The following IFFO2 variants were observed in gnomAD, a reference collection of about 807,000 sequenced individuals.
IFFO2 encodes intermediate filament family orphan 2.
IFFO2 carries 19 observed loss-of-function variants against 53.5 expected under a neutral mutation model. The observed-to-expected ratio is 0.36, with a 90% CI of 0.25 to 0.52. The LOEUF is 0.52. Among genes scored for constraint, IFFO2 ranks in the 20% least tolerant of loss-of-function variants. IFFO2 has a pLI of 0.94. For missense variants in IFFO2, 570 were observed against 727.4 expected (o/e 0.78, Z 2.49); for synonymous variants, 303 against 313.6 (o/e 0.97, Z 0.36).
At chr1:18,925,161 T>C (rs1051196169) in intron 1 of IFFO2, among the ~76,000 whole-genome samples, 4 of 152,104 alleles carry the variant, frequency 2.6e-5, no homozygotes, top group African/African-American at 7.2e-5. Flanking sequence ...TACTTCCCTC[T>C]ATAAAATCCC....
chr1:18,920,462 G>A (rs1936201112), intron 2 of IFFO2, among the ~76,000 whole-genome samples: 1 of 152,238 alleles, frequency 6.6e-6, no homozygotes, highest in African/African-American at 2.4e-5. Context: ...TCATGGGGTT[G>A]CTACTCTTGC....
At chr1:18,923,251 G>A (rs1198716359) in intron 1 of IFFO2, among the ~76,000 whole-genome samples, 2 of 152,190 alleles carry the variant, frequency 1.3e-5, no homozygotes, top group East Asian at 1.9e-4. Flanking sequence ...GCACCTCCCC[G>A]ACACTCCCCA....
chr1:18,914,854 G>C (rs1431217905), intron 5 of IFFO2, among the ~76,000 whole-genome samples: 1 of 150,114 alleles, frequency 6.7e-6, no homozygotes, highest in African/African-American at 2.5e-5. Context: ...CCTCTTGGCA[G>C]GCAGCAAAAG....
rs955475653 is a variant in IFFO2, at chr1:18,912,041, C to T, written c.1146G>A (p.Thr382=). ...FDFDDDCDSL[T]WEENEDTLLL... ...GCAGCGTGTCTTCATTCTCTTCCCA[C>T]GTCAGGCTGTCACAGTCGTCGTCAA... is the stretch of plus-strand genomic sequence containing the variant. Residue 382 remains threonine, a synonymous_variant, in exon 6 of 9, where the codon ACG becomes ACA. Coordinates refer to ENST00000455833, the MANE Select transcript of IFFO2 (RefSeq NM_001136265.2). 6 of 1,551,646 alleles carry T rather than the reference C, an allele frequency of 3.9e-6. No individual in the cohort carries two copies. Among genetic ancestry groups the T allele is most frequent in the Admixed American group, 3.9e-5 (2 of 50,988 alleles).
At chr1:18,914,095 T>G (rs1449662862) in intron 5 of IFFO2, among the ~76,000 whole-genome samples, 1 of 152,192 alleles carries the variant, frequency 6.6e-6, no homozygotes, top group Non-Finnish European at 1.5e-5. Context: ...CCTCCCAAAG[T>G]GCTGGGATTA....
At chr1:18,913,977 G>A (rs530236317) in intron 5 of IFFO2, among the ~76,000 whole-genome samples, 106 of 150,160 alleles carry the variant, frequency 7.1e-4, no homozygotes, top group South Asian at 1.5e-3. Context: ...GACTACAGGC[G>A]CCCGCCACCA....
chr1:18,946,293 C>G (rs1936586287), intron 1 of IFFO2, among the ~76,000 whole-genome samples: 2 of 152,104 alleles, frequency 1.3e-5, no homozygotes, highest in South Asian at 4.2e-4. Flanking sequence ...GAAGTGAAAA[C>G]TGAGGCTCAA....
Position 18,919,333 on chromosome 1 carries a change from G to A in IFFO2, c.822+345C>T, listed in dbSNP as rs753504940. ...CGGCACCTGGCCCAACCTGCCAGACGCCCTGCTACGCCCAGACACCGAGGC... is the reference window on the plus strand; with the variant it reads ...CGGCACCTGGCCCAACCTGCCAGACACCCTGCTACGCCCAGACACCGAGGC... On this transcript the variant is annotated intron_variant, in intron 3 of 8. Transcript: ENST00000455833. The surrounding 1 kb of genome is among the most constrained non-coding windows in gnomAD (Gnocchi z 4.9). 6.6e-6 allele frequency among the ~76,000 whole-genome samples: 1 copy of A among 152,212 alleles called. No individual in the cohort carries two copies. Among genetic ancestry groups the A allele is most frequent in the Non-Finnish European group, 1.5e-5 (1 of 68,042 alleles).
Position 18,941,908 on chromosome 1 carries a change from C to T in IFFO2, c.665+13760G>A, listed in dbSNP as rs370704071. Among the ~76,000 whole-genome samples the T allele has an allele frequency of 5.3e-5, 8 of 152,210 alleles. No homozygotes were observed. In the East Asian group the frequency reaches 1.2e-3, roughly 22 times the overall value. On this transcript the variant is annotated intron_variant, in intron 1 of 8. Coordinates refer to ENST00000455833, the MANE Select transcript of IFFO2 (RefSeq NM_001136265.2). ...AGGCCCTCCTAGGAGCCACAGGCTC[C>T]AGGTGACACCCTGCACTGGACACAG...
intron 1 of IFFO2, among the ~76,000 whole-genome samples, chr1:18,954,005 T>C (rs1357459079): frequency 6.6e-6 from 1 of 152,180 alleles, no homozygotes; most frequent in Admixed American, 6.5e-5. Flanking sequence ...TGAGAGCAAG[T>C]GCCTGCTTCC....
chr1:18,924,870 G>A (rs571273872), intron 1 of IFFO2, among the ~76,000 whole-genome samples: 134 of 152,322 alleles, frequency 8.8e-4, no homozygotes, highest in African/African-American at 3.1e-3. Context: ...ACATCCCAGT[G>A]CTCTCTGCAG....
intron 1 of IFFO2, among the ~76,000 whole-genome samples, chr1:18,952,767 G>A (rs550277513): frequency 2.6e-5 from 4 of 152,340 alleles, no homozygotes; most frequent in African/African-American, 7.2e-5. Flanking sequence ...GCCCTAAAAC[G>A]GGATTGTGGT....
In IFFO2 at chr1:18,907,812, A is replaced by G. The variant is rs1404612222; in HGVS notation, c.*749T>C. 3 of 151,614 alleles carry G rather than the reference A, an allele frequency of 2.0e-5. No individual in the cohort carries two copies. The highest frequency in any genetic ancestry group is 4.4e-5 in the Non-Finnish European group (3 of 67,848). The allele number at this position is 151,614 out of a possible 1,614,324, so 9.4% of individuals were successfully genotyped here. A position where few individuals can be genotyped will look rare whatever the true frequency, so the allele number is the denominator to read the frequency against. ...AGGAGAGGTCCTGCCTTCCACAATG[A>G]TATAAGGCAAGCTGCTTTTGTTGTT... On this transcript the variant is annotated 3_prime_UTR_variant, in exon 9 of 9. Coordinates refer to ENST00000455833, the MANE Select transcript of IFFO2 (RefSeq NM_001136265.2).
At chr1:18,925,180 C>G (rs1488625362) in intron 1 of IFFO2, among the ~76,000 whole-genome samples, 1 of 152,328 alleles carries the variant, frequency 6.6e-6, no homozygotes, top group East Asian at 1.9e-4. Context: ...CCGCTGAGCC[C>G]TCCCCTGGGG....
chr1:18,926,942 G>T (rs1294409115), intron 1 of IFFO2, among the ~76,000 whole-genome samples: 1 of 152,144 alleles, frequency 6.6e-6, no homozygotes, highest in South Asian at 2.1e-4. Context: ...CTCCAGGGAC[G>T]AACCTGGGGC....
In IFFO2 at chr1:18,917,977, C is replaced by G. The variant is rs1055866454; in HGVS notation, c.963+385G>C. ...TCTCCCCATAACCTGGCCAGGGTTC[C>G]CCAACCGTGGGGATGATGCCCAGTT... On this transcript the variant is annotated intron_variant, in intron 4 of 8. Coordinates refer to ENST00000455833, the MANE Select transcript of IFFO2 (RefSeq NM_001136265.2). This position sits in a 1 kb window ranked among gnomAD's most constrained non-coding sequence, Gnocchi z 5.9. Among the ~76,000 whole-genome samples, 1 of 152,342 alleles carries G rather than the reference C, an allele frequency of 6.6e-6. No individual in the cohort carries two copies. Among genetic ancestry groups the G allele is most frequent in the Non-Finnish European group, 1.5e-5 (1 of 68,032 alleles).
At chr1:18,955,470 G>C (rs1436611754) in intron 1 of IFFO2, among the ~76,000 whole-genome samples, 198 bp downstream of exon 1, 1 of 152,176 alleles carries the variant, frequency 6.6e-6, no homozygotes. Context: ...TGGCCCCCAC[G>C]GTAGCCAGCG....
At chr1:18,929,653 G>C (rs1936346647) in intron 1 of IFFO2, among the ~76,000 whole-genome samples, 1 of 63,166 alleles carries the variant, frequency 1.6e-5, no homozygotes, top group Admixed American at 1.8e-4. Context: ...GGCTCTCTGT[G>C]GTGACTTGAG....
Position 18,913,736 on chromosome 1 carries a change from G to T in IFFO2, c.1104-1653C>A, listed in dbSNP as rs532594685. On this transcript the variant is annotated intron_variant, in intron 5 of 8. Coordinates refer to ENST00000455833, the MANE Select transcript of IFFO2 (RefSeq NM_001136265.2). Reference sequence around the variant, plus strand: ...AAAGGCCCAGGGCCCCGCCTGGGGTGGGGTCAGGGCGGCCCACACAGAACT... The same window carrying T: ...AAAGGCCCAGGGCCCCGCCTGGGGTTGGGTCAGGGCGGCCCACACAGAACT... Among the ~76,000 whole-genome samples the T allele has an allele frequency of 3.2e-4, 48 of 152,358 alleles. No homozygotes were observed. In the South Asian group the frequency reaches 7.5e-3, roughly 24 times the overall value.
Sources: gnomAD v4.1 joint callset for allele counts (sites outside exome capture counted in the v4.1 genomes callset) on GRCh38, gnomAD v4.1.1 for gene constraint, Gnocchi (gnomAD v3.1) non-coding constraint, MANE v1.5 for transcripts, NCBI Gene and HGNC (gene_info 2026-07-23, HGNC 2026-07-21) for gene names.